WDR97: variants seen among roughly 807,000 people sequenced by gnomAD.
WDR97 encodes WD repeat-containing protein 97.
WDR97 carries 111 observed loss-of-function variants against 65.4 expected under a neutral mutation model. That is an observed-to-expected ratio of 1.70 (90% confidence interval 1.45 to 1.99). The LOEUF is 1.99. Among genes scored for constraint, WDR97 ranks in the 30% most tolerant of loss-of-function variants. The probability of loss-of-function intolerance (pLI) is 0.00; values close to 1 mark genes in which losing one functional copy is unlikely to be tolerated. For missense variants in WDR97, 1,674 were observed against 865.0 expected (o/e 1.94, Z -11.73); for synonymous variants, 802 against 397.7 (o/e 2.02, Z -12.10).
rs545467141 is a variant in WDR97 at position 144,114,008 on chromosome 8, G to A, written c.3440G>A (p.Arg1147Gln). 380 of 702,748 alleles carry A rather than the reference G, an allele frequency of 5.4e-4. 1 individual carries two copies. The Middle Eastern group carries it at 0.011, about 21-fold the overall frequency. 43.5% of individuals were successfully genotyped at this position (702,748 alleles called of 1,614,324 possible). A position where few individuals can be genotyped will look rare whatever the true frequency, so the allele number is the denominator to read the frequency against. The change falls in exon 18 of 24, where the codon CGG becomes CAG. Residue 1147 changes from arginine to glutamine, a missense_variant. By Grantham distance (43) the Arg-to-Gln change is conservative (BLOSUM62 1). Transcript: ENST00000323662. ...GTGGACTGGACCCAGGAGCCCCGGC[G>A]GCGCAGCTGCAAGGTTGCCAGGACC... ...SAVDWTQEPR[R>Q]RSCKVARTHP...
rs186899652 is a variant in WDR97, at chr8:144,112,309, C to T, written c.2981C>T (p.Thr994Ile). 1.8e-4 allele frequency: 124 copies of T among 702,764 alleles called. 1 individual carries two copies. Among genetic ancestry groups the T allele is most frequent in the African/African-American group, 1.5e-3 (87 of 57,382 alleles). The allele number at this position is 702,764 out of a possible 1,614,324, so 43.5% of individuals were successfully genotyped here. A position where few individuals can be genotyped will look rare whatever the true frequency, so the allele number is the denominator to read the frequency against. Residue 994 changes from threonine (T) to isoleucine (I), a missense_variant, in exon 14 of 24, where the codon ACC (threonine) becomes ATC (isoleucine). Transcript: ENST00000323662. ...TTGGAGCAGCTCCGAGGGAGGACGA[C>T]CATGGCCCTGGACCTGCCATCCTCC... Reference protein sequence around the residue: ...LQLEQLRGRTTMALDLPSSHL... With the variant: ...LQLEQLRGRTIMALDLPSSHL...
intron 4 of WDR97, 71 bp from the exon 5 acceptor site, chr8:144,109,264 G>A: frequency 1.4e-6 from 1 of 699,356 alleles, no homozygotes; most frequent in East Asian, 2.7e-5. Flanking sequence ...AGGCCTTGCT[G>A]CGCTGACTGC....
At position 144,117,606 on chromosome 8, in the gene WDR97, G is replaced by GTTTTGTTTTGTT. The variant is rs1814792743; in HGVS notation, c.*1316_*1327dup. 1 of 152,290 alleles carries GTTTTGTTTTGTT rather than the reference G, an allele frequency of 6.6e-6. No homozygotes were observed. The highest frequency in any genetic ancestry group is 2.4e-5 in the African/African-American group (1 of 41,314). The allele number at this position is 152,290 out of a possible 1,614,324, so 9.4% of individuals were successfully genotyped here. The stretch of plus-strand genomic sequence containing the variant: ...GGATTTCTTTATGGCTATCTGTTTT[G>GTTTTGTTTTGTT]TTTTGTTTTGTTTTGTTTTGTTTTT... On this transcript the variant is annotated 3_prime_UTR_variant, in exon 24 of 24. Coordinates refer to ENST00000323662, the MANE Select transcript of WDR97 (RefSeq NM_001316309.2).
rs1335803889 is a variant in WDR97 at position 144,110,564 on chromosome 8, G to A, written c.2067G>A (p.Thr689=). ...ACCACCGGCCCCAGGACGACCCCAC[G>A]GACCACATCACTGGTGAGGGGGCAG... ...RLDHRPQDDP[T]DHITGLCCCP... is the part of the protein sequence containing the mutation. Residue 689 remains threonine, a synonymous_variant, in exon 7 of 24, where the codon ACG becomes ACA. Transcript: ENST00000323662. The A allele has an allele frequency of 1.4e-6, 1 of 702,820 alleles. No homozygotes were observed. Among genetic ancestry groups the A allele is most frequent in the South Asian group, 1.5e-5 (1 of 67,592 alleles). The allele number at this position is 702,820 out of a possible 1,614,324, so 43.5% of individuals were successfully genotyped here.
Position 144,110,537 on chromosome 8 carries a change from A to G in WDR97, c.2040A>G (p.Leu680=), listed in dbSNP as rs552425131. The G allele has an allele frequency of 3.6e-5, 25 of 702,854 alleles. 1 individual carries two copies. Among genetic ancestry groups the G allele is most frequent in the South Asian group, 3.6e-4 (24 of 67,600 alleles). The allele number at this position is 702,854 out of a possible 1,614,324, so 43.5% of individuals were successfully genotyped here. ...TTGGCCTGGGCGACAGTCCGCGATTAGACCACCGGCCCCAGGACGACCCCA... is the reference window on the plus strand; with the variant it reads ...TTGGCCTGGGCGACAGTCCGCGATTGGACCACCGGCCCCAGGACGACCCCA... The part of the protein sequence containing the change: ...VQFGLGDSPR[L]DHRPQDDPTD... Residue 680 remains leucine, a synonymous_variant, in exon 7 of 24, where the codon TTA becomes TTG. Transcript: ENST00000323662.
rs1012123435 is a variant in WDR97 at position 144,117,276 on chromosome 8, A to C, written c.*983A>C. 7 of 152,326 alleles carry C rather than the reference A, an allele frequency of 4.6e-5. No individual in the cohort carries two copies. The highest frequency in any genetic ancestry group is 1.2e-4 in the African/African-American group (5 of 41,436). 9.4% of individuals were successfully genotyped at this position (152,326 alleles called of 1,614,324 possible). On this transcript the variant is annotated 3_prime_UTR_variant, in exon 24 of 24. Transcript: ENST00000323662. ...ACCTGCCTCTTCACCTCCAGGCACTACCGCATCCTCCCACTGCAGAAGGCC... is the reference window on the plus strand; with the variant it reads ...ACCTGCCTCTTCACCTCCAGGCACTCCCGCATCCTCCCACTGCAGAAGGCC...
rs144716343 is a variant in WDR97 at position 144,114,582 on chromosome 8, T to C, written c.3821T>C (p.Leu1274Pro). The change falls in exon 20 of 24, where the codon CTG becomes CCG. Residue 1274 changes from leucine (L) to proline (P), a missense_variant. Coordinates refer to ENST00000323662, the MANE Select transcript of WDR97 (RefSeq NM_001316309.2). Reference protein sequence around the residue: ...QDQTQKKFVILALQLLLACSL... With the variant: ...QDQTQKKFVIPALQLLLACSL... ...CAGACACAGAAGAAGTTCGTGATAC[T>C]GGCGCTGCAGCTGCTCCTGGCCTGC... is the stretch of plus-strand genomic sequence containing the variant. 0.015 allele frequency: 10,201 copies of C among 702,830 alleles called. 95 individuals carry two copies. Among genetic ancestry groups the C allele is most frequent in the Non-Finnish European group, 0.02 (7,785 of 384,978 alleles). 43.5% of individuals were successfully genotyped at this position (702,830 alleles called of 1,614,324 possible).
In WDR97 at chr8:144,109,909, C is replaced by T. The variant is rs1466317946; in HGVS notation, c.1575C>T (p.Cys525=). The T allele has an allele frequency of 1.4e-6, 1 of 701,990 alleles. No individual in the cohort carries two copies. The highest frequency in any genetic ancestry group is 2.0e-5 in the Admixed American group (1 of 49,980). 43.5% of individuals were successfully genotyped at this position (701,990 alleles called of 1,614,324 possible). The change falls in exon 5 of 24, where the codon TGC becomes TGT. Residue 525 remains cysteine, a synonymous_variant. Coordinates refer to ENST00000323662, the MANE Select transcript of WDR97 (RefSeq NM_001316309.2). ...CGCCGCCCCCTGCGCCGCAGCCTTG[C>T]TGTCTGCACCTGTACAGCCACCTCA... ...CPPPPPAPQP[C]CLHLYSHLTD... is the part of the protein sequence containing the mutation.
At chr8:144,110,296 C>T in intron 6 of WDR97, 40 bp downstream of exon 6, 1 of 702,132 alleles carries the variant, frequency 1.4e-6, no homozygotes, top group Non-Finnish European at 2.6e-6. Context: ...CGCCACAGAG[C>T]CCCCTCCCCT....
At position 144,110,732 on chromosome 8, in the gene WDR97, C is replaced by T. The variant is rs1249894062; in HGVS notation, c.2164C>T (p.Leu722Phe). ...TVRIWTAENRLLRLLQLNGAP... is the reference protein window; with the variant it reads ...TVRIWTAENRFLRLLQLNGAP... Reference sequence around the variant, plus strand: ...TCGCATCTGGACTGCTGAGAACCGCCTCCTGCGGTAGGCTAGGAGGTGGGG... The same window carrying T: ...TCGCATCTGGACTGCTGAGAACCGCTTCCTGCGGTAGGCTAGGAGGTGGGG... The change falls in exon 8 of 24, where the codon CTC becomes TTC. Residue 722 changes from leucine to phenylalanine, a missense_variant. Physicochemically the swap from Leu to Phe is conservative, Grantham distance 22. Coordinates refer to ENST00000323662, the MANE Select transcript of WDR97 (RefSeq NM_001316309.2). 4 of 702,776 alleles carry T rather than the reference C, an allele frequency of 5.7e-6. No individual in the cohort carries two copies. The highest frequency in any genetic ancestry group is 5.4e-5 in the East Asian group (2 of 37,304). 43.5% of individuals were successfully genotyped at this position (702,776 alleles called of 1,614,324 possible). A position where few individuals can be genotyped will look rare whatever the true frequency, so the allele number is the denominator to read the frequency against.
intron 4 of WDR97, 37 bp from the exon 5 acceptor site, chr8:144,109,298 C>T: frequency 1.4e-6 from 1 of 699,470 alleles, no homozygotes; most frequent in East Asian, 2.7e-5. Flanking sequence ...GGCTCCCCTG[C>T]CTTCAGTCGG....
intron 7 of WDR97, 33 bp downstream of exon 7, chr8:144,110,610 C>T (rs947098897): frequency 1.6e-5 from 11 of 702,610 alleles, no homozygotes; most frequent in Admixed American, 1.4e-4. Flanking sequence ...GCCCAGCCAC[C>T]GCCCAGCTCC....
rs148527973 is a variant in WDR97 at position 144,114,586 on chromosome 8, G to A, written c.3825G>A (p.Ala1275=). Residue 1275 remains alanine, a synonymous_variant, in exon 20 of 24, where the codon GCG becomes GCA. Coordinates refer to ENST00000323662, the MANE Select transcript of WDR97 (RefSeq NM_001316309.2). ...CACAGAAGAAGTTCGTGATACTGGC[G>A]CTGCAGCTGCTCCTGGCCTGCTCCC... The part of the protein sequence containing the change: ...DQTQKKFVIL[A]LQLLLACSLE... The A allele has an allele frequency of 1.6e-5, 11 of 702,740 alleles. No homozygotes were observed. The highest frequency in any genetic ancestry group is 2.3e-4 in the Middle Eastern group (1 of 4,396). 43.5% of individuals were successfully genotyped at this position (702,740 alleles called of 1,614,324 possible).
rs1177208915 is a variant in WDR97, at chr8:144,116,186, C to T, written c.4762C>T (p.Pro1588Ser). ...PLPRVEPQPF[P>S]LDWPMPPRPL... is the part of the protein sequence containing the mutation. Reference sequence around the variant, plus strand: ...GCCGCGTGTGGAGCCGCAGCCTTTCCCCCTGGACTGGCCTATGCCCCCGCG... The same window carrying T: ...GCCGCGTGTGGAGCCGCAGCCTTTCTCCCTGGACTGGCCTATGCCCCCGCG... The change falls in exon 24 of 24, where the codon CCC (proline) becomes TCC (serine). Residue 1588 changes from proline (P) to serine (S), a missense_variant. Pro to Ser is a moderately conservative substitution (Grantham distance 74, BLOSUM62 -1). Transcript: ENST00000323662. 5 of 700,264 alleles carry T rather than the reference C, an allele frequency of 7.1e-6. No individual in the cohort carries two copies. The highest frequency in any genetic ancestry group is 1.3e-5 in the Non-Finnish European group (5 of 383,648). 43.4% of individuals were successfully genotyped at this position (700,264 alleles called of 1,614,324 possible). A position where few individuals can be genotyped will look rare whatever the true frequency, so the allele number is the denominator to read the frequency against.
intron 15 of WDR97, 60 bp from the exon 16 acceptor site, chr8:144,113,380 G>T (rs992425812): frequency 1.6e-6 from 1 of 623,200 alleles, no homozygotes; most frequent in Non-Finnish European, 2.8e-6. Context: ...AGGTGACCAA[G>T]GGTGGTGTCC....
chr8:144,109,431 C>T lies in WDR97; in HGVS notation c.1097C>T (p.Ala366Val), dbSNP rs1243023483. ...CGCACCTGGGACCTGCAGGCGGCGG[C>T]GCAGGTGGGCGAGGTAGCGCTGGGC... ...TLRTWDLQAA[A>V]QVGEVALGFW... Residue 366 changes from alanine to valine, a missense_variant, in exon 5 of 24, where the codon GCG (alanine) becomes GTG (valine). By Grantham distance (64) the Ala-to-Val change is moderately conservative. Transcript: ENST00000323662. 1.4e-5 allele frequency: 10 copies of T among 701,880 alleles called. No homozygotes were observed. The highest frequency in any genetic ancestry group is 8.0e-5 in the Admixed American group (4 of 49,958). 43.5% of individuals were successfully genotyped at this position (701,880 alleles called of 1,614,324 possible). A position where few individuals can be genotyped will look rare whatever the true frequency, so the allele number is the denominator to read the frequency against.
In WDR97 at chr8:144,111,429, G is replaced by A; in HGVS notation, c.2430G>A (p.Glu810=). The A allele has an allele frequency of 1.4e-6, 1 of 702,684 alleles. No individual in the cohort carries two copies. Among genetic ancestry groups the A allele is most frequent in the East Asian group, 2.7e-5 (1 of 37,276 alleles). The allele number at this position is 702,684 out of a possible 1,614,324, so 43.5% of individuals were successfully genotyped here. A position where few individuals can be genotyped will look rare whatever the true frequency, so the allele number is the denominator to read the frequency against. The change falls in exon 11 of 24, where the codon GAG becomes GAA. Residue 810 remains glutamate (E), a synonymous_variant. Coordinates refer to ENST00000323662, the MANE Select transcript of WDR97 (RefSeq NM_001316309.2). ...TNLHGAASLS[E]ALSLIHRRRA... The stretch of plus-strand genomic sequence containing the variant: ...CTGTGCCTGTCCCTGTTTGCAGCGA[G>A]GCCTTGTCTCTCATCCATCGTCGGA...
At position 144,107,829 on chromosome 8, in the gene WDR97, G is replaced by A. The variant is rs1836448693; in HGVS notation, c.79G>A (p.Val27Ile). 1 of 702,864 alleles carries A rather than the reference G, an allele frequency of 1.4e-6. No individual in the cohort carries two copies. The highest frequency in any genetic ancestry group is 1.5e-5 in the South Asian group (1 of 67,606). 43.5% of individuals were successfully genotyped at this position (702,864 alleles called of 1,614,324 possible). Residue 27 changes from valine (V) to isoleucine (I), a missense_variant, in exon 1 of 24, where the codon GTC becomes ATC. By Grantham distance (29) the Val-to-Ile change is conservative. Coordinates refer to ENST00000323662, the MANE Select transcript of WDR97 (RefSeq NM_001316309.2). The stretch of plus-strand genomic sequence containing the variant: ...CCTGTATGATGCGGATGGCTATGAT[G>A]TCCCAGACCCTGGGCTGCTCACCGA... The part of the protein sequence containing the change: ...SDLYDADGYD[V>I]PDPGLLTEKN...
At chr8:144,112,836 C>T (rs4075389) in intron 15 of WDR97, 9,862 of 469,466 alleles carry the variant, frequency 0.021, 745 homozygotes, top group African/African-American at 0.17. Flanking sequence ...CCCGTGGAGG[C>T]GCTGGGAGGG....
Sources: gnomAD v4.1 joint callset for allele counts on GRCh38, gnomAD v4.1.1 for gene constraint, MANE v1.5 for transcripts, NCBI Gene and HGNC (gene_info 2026-07-23, HGNC 2026-07-21) for gene names.